Variants in RSRC1 observed in about 807,000 individuals in gnomAD.
RSRC1 encodes serine/Arginine-related protein 53.
RSRC1 carries 39 observed loss-of-function variants against 49.1 expected under a neutral mutation model. The ratio of observed to expected loss-of-function variants is 0.79; its 90% CI spans 0.61 to 1.04. The LOEUF (loss-of-function observed/expected upper bound fraction) is 1.04. Ranked by LOEUF, RSRC1 falls within the 50% of genes least tolerant of loss-of-function variation. The pLI, the probability that RSRC1 is intolerant of heterozygous loss-of-function variation, is 0.00. For missense variants in RSRC1, 388 were observed against 402.4 expected (o/e 0.96, Z 0.31); for synonymous variants, 143 against 130.8 (o/e 1.09, Z -0.63).
chr3:158,539,384 G>A lies in RSRC1; in HGVS notation c.759+2186G>A, dbSNP rs576790099. Among the ~76,000 whole-genome samples the A allele has an allele frequency of 3.3e-5, 5 of 152,070 alleles. No individual in the cohort carries two copies. The highest frequency in any genetic ancestry group is 1.2e-4 in the African/African-American group (5 of 41,520). ...TTAACTAGTTTTACTCTCTGAAATC[G>A]TATTTCTTTTGTCTGAGTAAATAGA... On this transcript the variant is annotated intron_variant, in intron 8 of 9. Transcript: ENST00000611884. This position sits in a 1 kb window ranked among gnomAD's most constrained non-coding sequence, Gnocchi z 4.1.
intron 3 of RSRC1, among the ~76,000 whole-genome samples, chr3:158,168,929 C>T (rs1019299488): frequency 3.9e-5 from 6 of 152,018 alleles, no homozygotes; most frequent in Non-Finnish European, 8.8e-5. Flanking sequence ...GCCAAGGGGA[C>T]CCCAGAGAAG....
intron 3 of RSRC1, among the ~76,000 whole-genome samples, chr3:158,165,933 C>G (rs993646433): frequency 6.6e-6 from 1 of 152,144 alleles, no homozygotes; most frequent in Non-Finnish European, 1.5e-5. Flanking sequence ...AAAGTTTCTA[C>G]TCAAGGACAA....
At chr3:158,232,026 T>C (rs551791376) in intron 4 of RSRC1, among the ~76,000 whole-genome samples, 1 of 152,140 alleles carries the variant, frequency 6.6e-6, no homozygotes, top group African/African-American at 2.4e-5. Flanking sequence ...AAAATGTCAC[T>C]TGTTGTTACT....
intron 5 of RSRC1, among the ~76,000 whole-genome samples, chr3:158,330,374 A>G (rs191364435): frequency 2.4e-3 from 373 of 152,338 alleles, no homozygotes; most frequent in Middle Eastern, 6.8e-3. Context: ...CTAATGTTCT[A>G]TGAACAGATT....
At chr3:158,495,282 T>C (rs1272422524) in intron 7 of RSRC1, among the ~76,000 whole-genome samples, 2 of 151,782 alleles carry the variant, frequency 1.3e-5, no homozygotes, top group African/African-American at 4.8e-5. Flanking sequence ...TTTTGGGTTT[T>C]TTGTTTGTTT....
At chr3:158,252,313 C>A (rs1196543663) in intron 4 of RSRC1, among the ~76,000 whole-genome samples, 1 of 149,670 alleles carries the variant, frequency 6.7e-6, no homozygotes, top group Non-Finnish European at 1.5e-5. Flanking sequence ...AGGCACCCGC[C>A]ACCACGCCCG....
chr3:158,275,061 G>GGT (rs1725731941), intron 4 of RSRC1, among the ~76,000 whole-genome samples: 1 of 152,118 alleles, frequency 6.6e-6, no homozygotes, highest in Non-Finnish European at 1.5e-5. Flanking sequence ...ACACTTGAAA[G>GGT]GTATTTATCT....
At chr3:158,337,817 T>C (rs1217592046) in intron 5 of RSRC1, among the ~76,000 whole-genome samples, 1 of 152,182 alleles carries the variant, frequency 6.6e-6, no homozygotes, top group Non-Finnish European at 1.5e-5. Flanking sequence ...CCTTATACCC[T>C]CATGAACCAC....
chr3:158,218,568 A>T (rs1722074897), intron 4 of RSRC1, among the ~76,000 whole-genome samples: 1 of 151,544 alleles, frequency 6.6e-6, no homozygotes, highest in South Asian at 2.1e-4. Flanking sequence ...GAGTTTGAGG[A>T]TCTTTTGGGA....
At chr3:158,140,183 G>A (rs6777968) in intron 3 of RSRC1, among the ~76,000 whole-genome samples, 95,852 of 151,970 alleles carry the variant, frequency 0.63, 30,846 homozygotes, top group African/African-American at 0.73. Context: ...TTCACCCTCT[G>A]TCACTACCTC....
intron 6 of RSRC1, among the ~76,000 whole-genome samples, chr3:158,453,417 G>A (rs1482758542): frequency 6.9e-6 from 1 of 145,810 alleles, no homozygotes; most frequent in Non-Finnish European, 1.5e-5. Flanking sequence ...GTATTGCTCT[G>A]TCACCCAGGC....
rs377566127 is a variant in RSRC1 at position 158,205,555 on chromosome 3, A to G, written c.494+2310A>G. ...AGGTGGGAATATAAACATGTGTAGA[A>G]GGGAAGATATGCAAGTGATTATAGT... On this transcript the variant is annotated intron_variant, in intron 4 of 9. Transcript: ENST00000611884. Among the ~76,000 whole-genome samples, 4 of 152,188 alleles carry G rather than the reference A, an allele frequency of 2.6e-5. No individual in the cohort carries two copies. The South Asian group carries it at 8.3e-4, about 32-fold the overall frequency.
chr3:158,364,959 T>A (rs1375606236), intron 6 of RSRC1, among the ~76,000 whole-genome samples: 1 of 151,882 alleles, frequency 6.6e-6, no homozygotes, highest in Non-Finnish European at 1.5e-5. Flanking sequence ...AATAATTTAA[T>A]AAAGTCTTTA....
At chr3:158,271,013 TTA>T (rs1197783674) in intron 4 of RSRC1, among the ~76,000 whole-genome samples, 1 of 152,152 alleles carries the variant, frequency 6.6e-6, no homozygotes, top group East Asian at 1.9e-4. Flanking sequence ...TATAAAAGGA[TTA>T]TCCCCGTGTC....
intron 7 of RSRC1, among the ~76,000 whole-genome samples, chr3:158,487,949 G>GGAAAAAAAAAAAAAAAAAAAAA (rs1553814781): frequency 2.4e-4 from 7 of 28,922 alleles, no homozygotes; most frequent in Admixed American, 6.5e-4. Context: ...TCCATCTCAA[G>GGAAAAAAAAAAAAAAAAAAAAA]AAAAAAAAAA....
intron 5 of RSRC1, among the ~76,000 whole-genome samples, chr3:158,344,666 A>G (rs534693920): frequency 1.3e-5 from 2 of 152,352 alleles, no homozygotes; most frequent in Non-Finnish European, 1.5e-5. Context: ...ACCTGGGTTG[A>G]CATAAGAGAA....
intron 4 of RSRC1, among the ~76,000 whole-genome samples, chr3:158,277,709 C>T (rs1047281366): frequency 6.6e-6 from 1 of 152,168 alleles, no homozygotes; most frequent in Non-Finnish European, 1.5e-5. Flanking sequence ...AATGGCTTTA[C>T]TGTTGGATGA....
chr3:158,187,204 G>T (rs969962484), intron 3 of RSRC1, among the ~76,000 whole-genome samples: 1 of 151,924 alleles, frequency 6.6e-6, no homozygotes, highest in African/African-American at 2.4e-5. Flanking sequence ...CAAAGGAGAT[G>T]ATTACAACAG....
chr3:158,441,297 G>A (rs980259751), intron 6 of RSRC1, among the ~76,000 whole-genome samples: 2 of 152,072 alleles, frequency 1.3e-5, no homozygotes, highest in Non-Finnish European at 2.9e-5. Flanking sequence ...GGGTTAAACA[G>A]ATGAGCTGAA....
Sources: allele counts gnomAD v4.1 joint callset (sites outside exome capture counted in the v4.1 genomes callset), GRCh38; gene constraint gnomAD v4.1.1; non-coding constraint Gnocchi (gnomAD v3.1); transcripts MANE v1.5; gene names NCBI Gene and HGNC (gene_info 2026-07-23, HGNC 2026-07-21).